The following TNR variants were observed in gnomAD, a reference collection of about 807,000 sequenced individuals.
TNR encodes tenascin-R.
A neutral mutation model predicts 150.4 loss-of-function variants in TNR; 45 were observed. The observed-to-expected ratio is 0.30, with a 90% CI of 0.24 to 0.38. The LOEUF (loss-of-function observed/expected upper bound fraction) is 0.38. Among genes scored for constraint, TNR ranks in the 10% least tolerant of loss-of-function variants. The probability of loss-of-function intolerance (pLI) is 1.00; values close to 1 mark genes in which losing one functional copy is unlikely to be tolerated. For synonymous variants in TNR, 687 were observed against 678.4 expected, an observed-to-expected ratio of 1.01 and a Z score of -0.20; for missense variants, 1,544 against 1,759.1, an observed-to-expected ratio of 0.88 and a Z score of 2.19.
At chr1:175,606,002 G>C (rs1022398239) in intron 1 of TNR, among the ~76,000 whole-genome samples, 1 of 151,836 alleles carries the variant, frequency 6.6e-6, no homozygotes, top group Non-Finnish European at 1.5e-5. Context: ...AAAGCTGAGG[G>C]AAAGAAAAGG....
At chr1:175,398,054 C>T (rs913675280) in intron 4 of TNR, among the ~76,000 whole-genome samples, 30 of 152,152 alleles carry the variant, frequency 2.0e-4, no homozygotes, top group African/African-American at 7.2e-4. Flanking sequence ...TAATCTCACC[C>T]CTCCCCTTTA....
rs189395148 is a variant in TNR at position 175,380,843 on chromosome 1, T to G, written c.1778-1106A>C. Among the ~76,000 whole-genome samples, 35 of 152,344 alleles carry G rather than the reference T, an allele frequency of 2.3e-4. No individual in the cohort carries two copies. In the Middle Eastern group the frequency reaches 0.017, roughly 74 times the overall value. ...TAGTTCTTGCCTTTGACACTTGAAT[T>G]TAACTTTGGAGTGAACTAGCCATTC... On this transcript the variant is annotated intron_variant, in intron 8 of 22. Coordinates refer to ENST00000367674, the MANE Select transcript of TNR (RefSeq NM_003285.3).
At chr1:175,534,025 G>A (rs1660173383) in intron 1 of TNR, among the ~76,000 whole-genome samples, 1 of 152,218 alleles carries the variant, frequency 6.6e-6, no homozygotes, top group African/African-American at 2.4e-5. Flanking sequence ...CTGAAGAAGA[G>A]AAGAGAGGAG....
chr1:175,497,920 C>T (rs568824251), intron 2 of TNR, among the ~76,000 whole-genome samples: 50 of 152,112 alleles, frequency 3.3e-4, no homozygotes, highest in African/African-American at 1.1e-3. Context: ...ATTAGCTGGG[C>T]GTGGTGGTGT....
chr1:175,370,338 C>CTTTTTTTTTTTTTTT lies in TNR; in HGVS notation c.1964-3056_1964-3042dup, dbSNP rs55795922. Among the ~76,000 whole-genome samples, 23 of 42,970 alleles carry CTTTTTTTTTTTTTTT rather than the reference C, an allele frequency of 5.4e-4. 3 individuals carry two copies. The highest frequency in any genetic ancestry group is 1.7e-3 in the African/African-American group (20 of 11,800). The allele number at this position is 42,970 out of a possible 152,430, so 28.2% of individuals were successfully genotyped here. A position where few individuals can be genotyped will look rare whatever the true frequency, so the allele number is the denominator to read the frequency against. On this transcript the variant is annotated intron_variant, in intron 9 of 22. Transcript: ENST00000367674. Reference sequence around the variant, plus strand: ...GAGAACTATTCCTGGATTTTGAGTACTTTTTTTTTTTTTTTTTTTTTTTTT... The same window carrying CTTTTTTTTTTTTTTT: ...GAGAACTATTCCTGGATTTTGAGTACTTTTTTTTTTTTTTTTTTTTTTTTTTTTTTTTTTTTTTTT...
intron 2 of TNR, among the ~76,000 whole-genome samples, chr1:175,436,972 C>T (rs913661826): frequency 2.6e-5 from 4 of 151,406 alleles, no homozygotes; most frequent in Non-Finnish European, 4.4e-5. Flanking sequence ...GACAGATCAA[C>T]GAGAAAGTTA....
At chr1:175,368,447 A>C (rs990857863) in intron 9 of TNR, among the ~76,000 whole-genome samples, 1 of 152,228 alleles carries the variant, frequency 6.6e-6, no homozygotes, top group Admixed American at 6.5e-5. Context: ...ACATCCACTT[A>C]TGAAAATCCT....
At chr1:175,332,281 A>T (rs1030436509) in intron 20 of TNR, among the ~76,000 whole-genome samples, 12 of 152,204 alleles carry the variant, frequency 7.9e-5, no homozygotes, top group Non-Finnish European at 1.8e-4. Context: ...AGCTCTGAGG[A>T]GCAATTCATG....
chr1:175,548,852 A>C (rs2102197522), intron 1 of TNR, among the ~76,000 whole-genome samples: 1 of 152,184 alleles, frequency 6.6e-6, no homozygotes, highest in Middle Eastern at 3.4e-3. Flanking sequence ...TCAGAGCAAC[A>C]CTCCCAATCA....
chr1:175,375,310 C>CA (rs1321408230), intron 9 of TNR, among the ~76,000 whole-genome samples: 1 of 151,944 alleles, frequency 6.6e-6, no homozygotes, highest in Non-Finnish European at 1.5e-5. Flanking sequence ...GTGCACAGGC[C>CA]AAACAGACAT....
At chr1:175,530,840 C>T (rs1370129121) in intron 1 of TNR, among the ~76,000 whole-genome samples, 2 of 152,138 alleles carry the variant, frequency 1.3e-5, no homozygotes, top group Non-Finnish European at 2.9e-5. Context: ...TCCTTTCACG[C>T]TCATTTAACC....
chr1:175,734,747 C>G (rs531417933), intron 1 of TNR, among the ~76,000 whole-genome samples: 43 of 152,328 alleles, frequency 2.8e-4, no homozygotes, highest in Admixed American at 2.0e-3. Context: ...ACAGCCCTCG[C>G]AGAAAAGGGG....
At chr1:175,431,376 C>G (rs1655253798) in intron 2 of TNR, among the ~76,000 whole-genome samples, 1 of 152,186 alleles carries the variant, frequency 6.6e-6, no homozygotes, top group African/African-American at 2.4e-5. Flanking sequence ...CATGTGTAGA[C>G]AGCACTGTCC....
chr1:175,705,783 C>T lies in TNR; in HGVS notation c.-165+37443G>A, dbSNP rs570600854. Among the ~76,000 whole-genome samples the T allele has an allele frequency of 7.9e-5, 12 of 152,120 alleles. 1 individual carries two copies. Among genetic ancestry groups the T allele is most frequent in the Non-Finnish European group, 8.8e-5 (6 of 68,010 alleles). ...GGTCAGGATATTAACAAATATAAGC[C>T]GACAACAACATTGCCCCAAGATTAT... On this transcript the variant is annotated intron_variant, in intron 1 of 22. Transcript: ENST00000367674.
chr1:175,680,961 G>A (rs1408135207), intron 1 of TNR, among the ~76,000 whole-genome samples: 1 of 152,206 alleles, frequency 6.6e-6, no homozygotes, highest in Non-Finnish European at 1.5e-5. Context: ...CTGAACCTCA[G>A]TTGTTTCCCC....
intron 1 of TNR, among the ~76,000 whole-genome samples, chr1:175,595,021 G>T (rs1261287155): frequency 2.0e-5 from 3 of 151,050 alleles, no homozygotes; most frequent in African/African-American, 7.3e-5. Flanking sequence ...AAAAAAAATA[G>T]CTGGATGTGG....
At chr1:175,633,543 A>T (rs189774004) in intron 1 of TNR, among the ~76,000 whole-genome samples, 9 of 152,342 alleles carry the variant, frequency 5.9e-5, no homozygotes, top group Non-Finnish European at 1.5e-5. Context: ...TCAAGGTGGC[A>T]TATGTAATTA....
intron 1 of TNR, among the ~76,000 whole-genome samples, chr1:175,726,202 G>A (rs112601444): frequency 7.9e-5 from 12 of 152,226 alleles, no homozygotes; most frequent in African/African-American, 2.6e-4. Flanking sequence ...ACACAGATAA[G>A]TAATAAAAGG....
chr1:175,560,340 T>C (rs1460685293), intron 1 of TNR, among the ~76,000 whole-genome samples: 1 of 152,246 alleles, frequency 6.6e-6, no homozygotes, highest in Non-Finnish European at 1.5e-5. Flanking sequence ...CAGCCAAAGA[T>C]GAAGCCCTGT....
Sources: allele counts gnomAD v4.1 joint callset (sites outside exome capture counted in the v4.1 genomes callset), GRCh38; gene constraint gnomAD v4.1.1; transcripts MANE v1.5; gene names NCBI Gene and HGNC (gene_info 2026-07-23, HGNC 2026-07-21).